TCF12: variants seen among roughly 807,000 people sequenced by gnomAD.
TCF12 encodes transcription factor 12, also known as DNA-binding protein HTF4.
TCF12 carries 45 observed loss-of-function variants against 86.0 expected under a neutral mutation model. The ratio of observed to expected loss-of-function variants is 0.52; its 90% CI spans 0.41 to 0.67. The LOEUF (loss-of-function observed/expected upper bound fraction) is 0.67, where lower values mean the gene tolerates loss of function less well. Ranked by LOEUF, TCF12 falls within the 30% of genes least tolerant of loss-of-function variation. The pLI is 0.00. For missense variants in TCF12, 881 were observed against 859.9 expected (o/e 1.02, Z -0.31); for synonymous variants, 330 against 299.6 (o/e 1.10, Z -1.05).
At chr15:56,987,876 A>G (rs1198760120) in intron 3 of TCF12, among the ~76,000 whole-genome samples, 1 of 152,222 alleles carries the variant, frequency 6.6e-6, no homozygotes, top group Admixed American at 6.5e-5. Context: ...AATAAACCAT[A>G]TAGGAAAGAC....
At chr15:57,179,013 A>G (rs2056149788) in intron 6 of TCF12, among the ~76,000 whole-genome samples, 1 of 151,988 alleles carries the variant, frequency 6.6e-6, no homozygotes, top group Non-Finnish European at 1.5e-5. Context: ...ATTGGCTGAT[A>G]AAAGATTTGG....
intron 8 of TCF12, among the ~76,000 whole-genome samples, chr15:57,224,186 C>T (rs1049889857): frequency 2.0e-5 from 3 of 151,960 alleles, no homozygotes; most frequent in Non-Finnish European, 4.4e-5. Flanking sequence ...TGTTCCTTTC[C>T]ACTTGTATAT....
chr15:57,230,524 A>T (rs1379154898), intron 8 of TCF12, among the ~76,000 whole-genome samples: 1 of 152,074 alleles, frequency 6.6e-6, no homozygotes, highest in Admixed American at 6.6e-5. Context: ...TTATCAAAGG[A>T]AATTAATACT....
chr15:57,198,955 C>T (rs2151749641), intron 8 of TCF12, among the ~76,000 whole-genome samples: 1 of 152,216 alleles, frequency 6.6e-6, no homozygotes, highest in South Asian at 2.1e-4. Flanking sequence ...ATTCCCCTGC[C>T]TTCTCTACCG....
At chr15:56,972,255 A>G (rs2062376012) in intron 3 of TCF12, among the ~76,000 whole-genome samples, 1 of 152,240 alleles carries the variant, frequency 6.6e-6, no homozygotes, top group Non-Finnish European at 1.5e-5. Context: ...ACAGAACTGC[A>G]TATGCATTTT....
chr15:57,140,958 C>T lies in TCF12; in HGVS notation c.326-25444C>T, dbSNP rs1042619930. Reference sequence around the variant, plus strand: ...TTTGAACATCTCTAATAATGTAATACGTTCTCTCAAGGTACTTATCTAATC... The same window carrying T: ...TTTGAACATCTCTAATAATGTAATATGTTCTCTCAAGGTACTTATCTAATC... On this transcript the variant is annotated intron_variant, in intron 5 of 20. Transcript: ENST00000333725. 5.9e-5 allele frequency among the ~76,000 whole-genome samples: 9 copies of T among 151,972 alleles called. No individual in the cohort carries two copies. The South Asian group carries it at 6.2e-4, about 11-fold the overall frequency.
intron 3 of TCF12, among the ~76,000 whole-genome samples, chr15:57,031,656 AG>A (rs1698205491): frequency 6.6e-6 from 1 of 152,202 alleles, no homozygotes; most frequent in African/African-American, 2.4e-5. Flanking sequence ...AAAGAACATC[AG>A]ATTTCAAAAT....
intron 3 of TCF12, among the ~76,000 whole-genome samples, chr15:57,020,103 A>T (rs1567265611): frequency 6.6e-6 from 1 of 152,226 alleles, no homozygotes; most frequent in South Asian, 2.1e-4. Flanking sequence ...GCGATTTCAC[A>T]TTTATAAAAA....
intron 3 of TCF12, among the ~76,000 whole-genome samples, chr15:57,036,392 G>A (rs572891059): frequency 2.6e-5 from 4 of 152,276 alleles, no homozygotes; most frequent in Middle Eastern, 3.4e-3. Flanking sequence ...AAATTGCCAG[G>A]TCATGTAATA....
At chr15:57,102,335 C>T (rs1479434877) in intron 5 of TCF12, among the ~76,000 whole-genome samples, 1 of 152,180 alleles carries the variant, frequency 6.6e-6, no homozygotes, top group Non-Finnish European at 1.5e-5. Flanking sequence ...TGGTGGCTCA[C>T]ACCTGTAATC....
intron 6 of TCF12, 34 bp downstream of exon 6, chr15:57,166,500 G>T: frequency 5.8e-6 from 9 of 1,559,274 alleles, no homozygotes; most frequent in Non-Finnish European, 7.9e-6. Flanking sequence ...CAATGAGATG[G>T]TTTTTAAACA....
intron 3 of TCF12, among the ~76,000 whole-genome samples, chr15:57,035,056 T>C (rs989970146): frequency 1.3e-5 from 2 of 152,184 alleles, no homozygotes; most frequent in East Asian, 3.8e-4. Context: ...GTTAATAATA[T>C]TAACATTTTC....
chr15:57,074,032 G>A (rs1178461657), intron 4 of TCF12, among the ~76,000 whole-genome samples: 6 of 152,164 alleles, frequency 3.9e-5, no homozygotes, highest in Non-Finnish European at 8.8e-5. Context: ...TTACAGGCAT[G>A]AGCCACCACG....
At chr15:57,110,025 G>A (rs1010646163) in intron 5 of TCF12, among the ~76,000 whole-genome samples, 11 of 138,098 alleles carry the variant, frequency 8.0e-5, no homozygotes, top group African/African-American at 3.0e-4. Context: ...TAATGTCGTA[G>A]GAGACCAAAG....
intron 4 of TCF12, among the ~76,000 whole-genome samples, chr15:57,090,607 TAGTG>T (rs2048932781): frequency 6.6e-6 from 1 of 152,184 alleles, no homozygotes; most frequent in South Asian, 2.1e-4. Context: ...CCTGCAAAGA[TAGTG>T]AGGCCTGTTT....
At chr15:56,925,068 G>A (rs1287841885) in intron 3 of TCF12, among the ~76,000 whole-genome samples, 1 of 152,026 alleles carries the variant, frequency 6.6e-6, no homozygotes, top group Non-Finnish European at 1.5e-5. Flanking sequence ...GTGTGATGGT[G>A]GGCACCTGTA....
In TCF12 at chr15:57,272,889, A is replaced by G. The variant is rs926514066; in HGVS notation, c.1746-141A>G. The G allele has an allele frequency of 7.4e-5, 56 of 752,460 alleles. No homozygotes were observed. The East Asian group carries it at 1.4e-3, about 18-fold the overall frequency. The allele number at this position is 752,460 out of a possible 1,614,324, so 46.6% of individuals were successfully genotyped here. ...AAAAATTTGAAAGGAATATACAGTC[A>G]TGTTAACTGCACCTATTACAACTGT... On this transcript the variant is annotated intron_variant, in intron 18 of 20. Transcript: ENST00000333725.
chr15:57,187,958 G>A (rs1319342627), intron 6 of TCF12, among the ~76,000 whole-genome samples: 3 of 151,620 alleles, frequency 2.0e-5, no homozygotes, highest in African/African-American at 7.3e-5. Flanking sequence ...AAAATAAACA[G>A]ATTAGCTAGC....
At chr15:57,227,279 G>GAATGTTTCC (rs1350486550) in intron 8 of TCF12, among the ~76,000 whole-genome samples, 1 of 152,092 alleles carries the variant, frequency 6.6e-6, no homozygotes, top group Non-Finnish European at 1.5e-5. Flanking sequence ...TGCCTCACAA[G>GAATGTTTCC]AATGTTTCCA....
Sources: allele counts gnomAD v4.1 joint callset (sites outside exome capture counted in the v4.1 genomes callset), GRCh38; gene constraint gnomAD v4.1.1; transcripts MANE v1.5; gene names NCBI Gene and HGNC (gene_info 2026-07-23, HGNC 2026-07-21).